Variants in PPP5C observed in about 807,000 individuals in gnomAD.
PPP5C encodes the protein serine/threonine-protein phosphatase 5.
A neutral mutation model predicts 66.7 loss-of-function variants in PPP5C; 21 were observed. The ratio of observed to expected loss-of-function variants is 0.31; its 90% CI spans 0.22 to 0.45. The LOEUF (loss-of-function observed/expected upper bound fraction) is 0.45, where lower values mean the gene tolerates loss of function less well. Among genes scored for constraint, PPP5C ranks in the 20% least tolerant of loss-of-function variants. The pLI, the probability that PPP5C is intolerant of heterozygous loss-of-function variation, is 1.00. For synonymous variants in PPP5C, 246 were observed against 257.4 expected, an observed-to-expected ratio of 0.96 and a Z score of 0.43; for missense variants, 464 against 675.9, an observed-to-expected ratio of 0.69 and a Z score of 3.48.
At chr19:46,385,351 G>A (rs1972864048) in intron 7 of PPP5C, among the ~76,000 whole-genome samples, 1 of 152,162 alleles carries the variant, frequency 6.6e-6, no homozygotes, top group Non-Finnish European at 1.5e-5. Context: ...CTTGATTGAA[G>A]TAGAGCCCGG....
chr19:46,360,662 C>G (rs879586034), intron 2 of PPP5C, among the ~76,000 whole-genome samples: 3 of 151,992 alleles, frequency 2.0e-5, no homozygotes, highest in African/African-American at 7.3e-5. Flanking sequence ...CACCACACCC[C>G]GCTAATTTTT....
Position 46,357,869 on chromosome 19 carries a change from T to C in PPP5C, c.363+3880T>C, listed in dbSNP as rs1430157402. On this transcript the variant is annotated intron_variant, in intron 2 of 12. Coordinates refer to ENST00000012443, the MANE Select transcript of PPP5C (RefSeq NM_006247.4). ...CAGAAGCTCCCTGGACCCAGTCCTTTCGGGTTTTTATGGAAGCTTCATTAT... is the reference window on the plus strand; with the variant it reads ...CAGAAGCTCCCTGGACCCAGTCCTTCCGGGTTTTTATGGAAGCTTCATTAT... Among the ~76,000 whole-genome samples, 3 of 152,324 alleles carry C rather than the reference T, an allele frequency of 2.0e-5. No individual in the cohort carries two copies. The East Asian group carries it at 5.8e-4, about 29-fold the overall frequency.
intron 2 of PPP5C, among the ~76,000 whole-genome samples, chr19:46,370,151 C>T (rs1231211963): frequency 6.6e-6 from 1 of 151,986 alleles, no homozygotes; most frequent in African/African-American, 2.4e-5. Context: ...ATAAATTAAC[C>T]TTAGCTTACT....
chr19:46,390,969 G>GC lies in PPP5C; in HGVS notation c.*624dup. ...GCTGGCCGGGCCCACCCAGCTCTGG[G>GC]CTGACCGCCCAAGTGGCCTCTGCCT... On this transcript the variant is annotated 3_prime_UTR_variant, in exon 13 of 13. Transcript: ENST00000012443. The GC allele has an allele frequency of 8.3e-7, 1 of 1,200,638 alleles. No homozygotes were observed. Among genetic ancestry groups the GC allele is most frequent in the Non-Finnish European group, 1.1e-6 (1 of 944,310 alleles). 74.4% of individuals were successfully genotyped at this position (1,200,638 alleles called of 1,614,324 possible).
intron 1 of PPP5C, among the ~76,000 whole-genome samples, chr19:46,350,028 TG>T (rs1435226095): frequency 7.0e-5 from 2 of 28,660 alleles, no homozygotes; most frequent in Non-Finnish European, 1.4e-4. Context: ...GGGGTGGCGG[TG>T]GGGGGTGGGG....
At chr19:46,386,421 C>G (rs1238832853) in intron 7 of PPP5C, among the ~76,000 whole-genome samples, 2 of 152,146 alleles carry the variant, frequency 1.3e-5, no homozygotes, top group Non-Finnish European at 2.9e-5. Flanking sequence ...CGACTGTGGG[C>G]CTCGTTGCAG....
At chr19:46,363,349 A>C (rs1490351549) in intron 2 of PPP5C, among the ~76,000 whole-genome samples, 1 of 105,328 alleles carries the variant, frequency 9.5e-6, no homozygotes, top group African/African-American at 3.8e-5. Flanking sequence ...AAAAAAAAAC[A>C]ATTTTAAACT....
intron 1 of PPP5C, among the ~76,000 whole-genome samples, chr19:46,349,990 G>A (rs1016714440): frequency 2.7e-5 from 4 of 146,504 alleles, no homozygotes; most frequent in Non-Finnish European, 6.0e-5. Flanking sequence ...GCGCAGGGCT[G>A]TAGGAAGGAG....
Position 46,375,775 on chromosome 19 carries a change from C to T in PPP5C, c.511+24C>T, listed in dbSNP as rs188497470. Reference sequence around the variant, plus strand: ...GAGTGAGTCAGGCCTGGATGCTCCACGCTCCAGCCCAGAACATTCCACACG... The same window carrying T: ...GAGTGAGTCAGGCCTGGATGCTCCATGCTCCAGCCCAGAACATTCCACACG... On this transcript the variant is annotated intron_variant, in intron 3 of 12. Transcript: ENST00000012443. 36 of 1,564,924 alleles carry T rather than the reference C, an allele frequency of 2.3e-5. 1 individual carries two copies. The East Asian group carries it at 6.9e-4, about 30-fold the overall frequency.
At chr19:46,386,199 G>A (rs1292142253) in intron 7 of PPP5C, among the ~76,000 whole-genome samples, 2 of 152,152 alleles carry the variant, frequency 1.3e-5, no homozygotes, top group Non-Finnish European at 2.9e-5. Flanking sequence ...TCCAAGGGGT[G>A]TTGAAAATGT....
rs764346063 is a variant in PPP5C at position 46,388,461 on chromosome 19, T to A, written c.1176+13T>A. The A allele has an allele frequency of 4.3e-6, 7 of 1,611,350 alleles. No individual in the cohort carries two copies. The highest frequency in any genetic ancestry group is 5.9e-6 in the Non-Finnish European group (7 of 1,178,260). On this transcript the variant is annotated intron_variant, in intron 10 of 12. Transcript: ENST00000012443. The surrounding 1 kb of genome is among the most constrained non-coding windows in gnomAD (Gnocchi z 4.9). ...TCCACAGCCACAGGTGAGTCTAGGG[T>A]GGGGTGCAGGGCCGGCGGGTGTGGG... is the stretch of plus-strand genomic sequence containing the variant.
chr19:46,387,006 C>G lies in PPP5C; in HGVS notation c.905-87C>G, dbSNP rs1211618734. On this transcript the variant is annotated intron_variant, in intron 7 of 12. Transcript: ENST00000012443. ...GGCCCATGGGGGCAAGGGACGCATG[C>G]ACAGTTCTGGGCCTTGAGGGTGCCA... The G allele has an allele frequency of 2.5e-6, 4 of 1,588,716 alleles. No individual in the cohort carries two copies. The East Asian group carries it at 9.0e-5, about 36-fold the overall frequency.
At chr19:46,380,022 T>C (rs2147394541) in intron 4 of PPP5C, among the ~76,000 whole-genome samples, 1 of 152,300 alleles carries the variant, frequency 6.6e-6, no homozygotes, top group East Asian at 1.9e-4. Flanking sequence ...AAGAATCTTA[T>C]GGCCTGGGGC....
At position 46,376,374 on chromosome 19, in the gene PPP5C, C is replaced by T; in HGVS notation, c.512-79C>T. ...TGTGTGTCCACACCCAAGTTTTCCCCATCCCTGGGAGCGAGACCCCCTTCT... is the reference window on the plus strand; with the variant it reads ...TGTGTGTCCACACCCAAGTTTTCCCTATCCCTGGGAGCGAGACCCCCTTCT... On this transcript the variant is annotated intron_variant, in intron 3 of 12. Transcript: ENST00000012443. This position sits in a 1 kb window ranked among gnomAD's most constrained non-coding sequence, Gnocchi z 5.1. 6.4e-7 allele frequency: 1 copy of T among 1,557,106 alleles called. No homozygotes were observed. Among genetic ancestry groups the T allele is most frequent in the Non-Finnish European group, 8.7e-7 (1 of 1,143,850 alleles).
chr19:46,388,841 T>C lies in PPP5C; in HGVS notation c.1355+110T>C. ...CATTTCAAAGACAGGCAAGAGCAGA[T>C]AAAAGAACATGACGAACACCCCCGT... is the stretch of plus-strand genomic sequence containing the variant. On this transcript the variant is annotated intron_variant, in intron 11 of 12. Coordinates refer to ENST00000012443, the MANE Select transcript of PPP5C (RefSeq NM_006247.4). This position sits in a 1 kb window ranked among gnomAD's most constrained non-coding sequence, Gnocchi z 4.9. 1.4e-6 allele frequency: 2 copies of C among 1,394,154 alleles called. No individual in the cohort carries two copies. The highest frequency in any genetic ancestry group is 1.4e-5 in the African/African-American group (1 of 69,926). The allele number at this position is 1,394,154 out of a possible 1,614,324, so 86.4% of individuals were successfully genotyped here.
At chr19:46,378,675 A>G (rs10402900) in intron 4 of PPP5C, among the ~76,000 whole-genome samples, 1,605 of 152,212 alleles carry the variant, frequency 0.011, 36 homozygotes, top group African/African-American at 0.036. Flanking sequence ...TGATGAATTG[A>G]CTCATTATAA....
chr19:46,353,633 C>G, intron 1 of PPP5C, 115 bp from the exon 2 acceptor site: 1 of 1,446,944 alleles, frequency 6.9e-7, no homozygotes, highest in Non-Finnish European at 9.5e-7. Flanking sequence ...TCTCTGGGCT[C>G]AGGGTAGCCC....
chr19:46,389,362 A>AACACACACAC, intron 11 of PPP5C, among the ~76,000 whole-genome samples: 1 of 98,056 alleles, frequency 1.0e-5, no homozygotes, highest in African/African-American at 4.5e-5. Flanking sequence ...TCCATCTCAA[A>AACACACACAC]ACACACACAC....
intron 2 of PPP5C, among the ~76,000 whole-genome samples, chr19:46,367,935 C>T (rs1173335016): frequency 6.6e-6 from 1 of 152,168 alleles, no homozygotes; most frequent in Non-Finnish European, 1.5e-5. Flanking sequence ...TGGACCCCTC[C>T]TGTGGTCATT....
Sources: allele counts gnomAD v4.1 joint callset (sites outside exome capture counted in the v4.1 genomes callset), GRCh38; gene constraint gnomAD v4.1.1; non-coding constraint Gnocchi (gnomAD v3.1); transcripts MANE v1.5; gene names NCBI Gene and HGNC (gene_info 2026-07-23, HGNC 2026-07-21).